The following ATP13A4 variants were observed in gnomAD, a reference collection of about 807,000 sequenced individuals.
The protein encoded by ATP13A4 is ATPase 13A4, also known as probable cation-transporting ATPase 13A4.
ATP13A4 carries 114 observed loss-of-function variants against 142.5 expected under a neutral mutation model. The ratio of observed to expected loss-of-function variants is 0.80; its 90% CI spans 0.69 to 0.93. ATP13A4 has a LOEUF of 0.93. Among genes scored for constraint, ATP13A4 ranks in the 40% least tolerant of loss-of-function variants. ATP13A4 has a pLI of 0.00. For missense variants in ATP13A4, 1,392 were observed against 1,454.0 expected (o/e 0.96, Z 0.69); for synonymous variants, 488 against 514.8 (o/e 0.95, Z 0.70).
chr3:193,478,430 CA>C (rs1719095377), intron 8 of ATP13A4, among the ~76,000 whole-genome samples: 2 of 151,712 alleles, frequency 1.3e-5, no homozygotes, highest in Admixed American at 6.6e-5. Flanking sequence ...CAATTAGAAA[CA>C]AAATGGGAGA....
chr3:193,570,268 G>A (rs13326186), intron 2 of ATP13A4, among the ~76,000 whole-genome samples: 48,652 of 152,106 alleles, frequency 0.32, 8,073 homozygotes, highest in African/African-American at 0.38. Flanking sequence ...AGCTGTGATT[G>A]TGTAATTGCA....
intron 1 of ATP13A4, among the ~76,000 whole-genome samples, chr3:193,545,904 A>T (rs1723192807): frequency 6.6e-6 from 1 of 152,038 alleles, no homozygotes; most frequent in Admixed American, 6.6e-5. Context: ...ACTTTGAAAA[A>T]AAAATGAGTA....
At chr3:193,523,054 G>A (rs1423053160) in intron 1 of ATP13A4, among the ~76,000 whole-genome samples, 1 of 152,058 alleles carries the variant, frequency 6.6e-6, no homozygotes, top group African/African-American at 2.4e-5. Flanking sequence ...TGTAATCCTA[G>A]CACTTTGGGA....
intron 1 of ATP13A4, among the ~76,000 whole-genome samples, chr3:193,539,940 AT>A (rs199714177): frequency 0.028 from 4,194 of 152,188 alleles, 59 homozygotes; most frequent in East Asian, 0.033. Context: ...CTCAAAATTA[AT>A]TTTTTTCCTG....
intron 25 of ATP13A4, among the ~76,000 whole-genome samples, chr3:193,416,664 T>C (rs1715079499): frequency 6.6e-6 from 1 of 150,746 alleles, no homozygotes; most frequent in Non-Finnish European, 1.5e-5. Flanking sequence ...TAGTTGAAAA[T>C]ATCCAACCTG....
At chr3:193,497,078 A>G (rs1042206438) in intron 3 of ATP13A4, among the ~76,000 whole-genome samples, 2 of 152,178 alleles carry the variant, frequency 1.3e-5, no homozygotes, top group Non-Finnish European at 2.9e-5. Context: ...ATGAAATTAC[A>G]TCAAGCTAAA....
chr3:193,493,541 C>A (rs112780214), intron 3 of ATP13A4, among the ~76,000 whole-genome samples: 1 of 151,542 alleles, frequency 6.6e-6, no homozygotes, highest in Non-Finnish European at 1.5e-5. Context: ...ATGCTGTAGA[C>A]GTAAAGAGAG....
chr3:193,503,198 A>G (rs1375057441), intron 2 of ATP13A4, among the ~76,000 whole-genome samples: 1 of 152,230 alleles, frequency 6.6e-6, no homozygotes, highest in Non-Finnish European at 1.5e-5. Flanking sequence ...AGACCTGCTC[A>G]GTCAGAGTCT....
chr3:193,447,324 C>T (rs1400581250), intron 18 of ATP13A4, among the ~76,000 whole-genome samples: 2 of 152,054 alleles, frequency 1.3e-5, no homozygotes, highest in African/African-American at 4.8e-5. Context: ...GTCCAAGATC[C>T]TCTTGGATTG....
intron 24 of ATP13A4, among the ~76,000 whole-genome samples, chr3:193,434,684 A>G (rs553284451): frequency 6.6e-6 from 1 of 152,216 alleles, no homozygotes; most frequent in Non-Finnish European, 1.5e-5. Flanking sequence ...ATGAATCTGG[A>G]TATCTGCCAC....
chr3:193,548,406 T>A (rs973021115), intron 1 of ATP13A4, among the ~76,000 whole-genome samples: 3 of 152,324 alleles, frequency 2.0e-5, no homozygotes, highest in Non-Finnish European at 1.5e-5. Flanking sequence ...AAGAAGCAAT[T>A]AAATTTCACT....
intron 3 of ATP13A4, 107 bp downstream of exon 3, chr3:193,502,386 A>C: frequency 7.6e-7 from 1 of 1,316,242 alleles, no homozygotes; most frequent in Non-Finnish European, 1.1e-6. Context: ...TTAAATATAC[A>C]CTATCAAATG....
rs187288706 is a variant in ATP13A4 at position 193,478,618 on chromosome 3, G to T, written c.808+5318C>A. ...AATAACAAGCAGCAAGATTAAAATGGTATTTAAAAAGTTACCAAGAAAAAA... is the reference window on the plus strand; with the variant it reads ...AATAACAAGCAGCAAGATTAAAATGTTATTTAAAAAGTTACCAAGAAAAAA... On this transcript the variant is annotated intron_variant, in intron 8 of 29. Transcript: ENST00000342695. 2.8e-3 allele frequency among the ~76,000 whole-genome samples: 428 copies of T among 150,816 alleles called. 9 individuals carry two copies. Among genetic ancestry groups the T allele is most frequent in the East Asian group, 0.021 (111 of 5,172 alleles).
chr3:193,571,211 G>A (rs2108741274), intron 2 of ATP13A4, among the ~76,000 whole-genome samples: 1 of 149,254 alleles, frequency 6.7e-6, no homozygotes, highest in South Asian at 2.1e-4. Flanking sequence ...CTGGGAGGTG[G>A]AGGTTGCCAG....
At chr3:193,515,629 A>G (rs1389221347) in intron 1 of ATP13A4, among the ~76,000 whole-genome samples, 1 of 152,176 alleles carries the variant, frequency 6.6e-6, no homozygotes, top group Admixed American at 6.5e-5. Context: ...AGAGGATATT[A>G]TTAGACCCCA....
chr3:193,542,962 G>A (rs1009488936), intron 1 of ATP13A4, among the ~76,000 whole-genome samples: 6 of 152,112 alleles, frequency 3.9e-5, no homozygotes, highest in African/African-American at 1.2e-4. Context: ...TCAGGAGATC[G>A]AGACCATCCT....
intron 2 of ATP13A4, among the ~76,000 whole-genome samples, chr3:193,576,221 C>G (rs1724388903): frequency 6.9e-6 from 1 of 144,916 alleles, no homozygotes; most frequent in Non-Finnish European, 1.5e-5. Context: ...AGACTTTCCA[C>G]GATCCATGGA....
Position 193,448,348 on chromosome 3 carries a change from G to A in ATP13A4, c.2028-18C>T, listed in dbSNP as rs1717077634. 1 of 1,612,364 alleles carries A rather than the reference G, an allele frequency of 6.2e-7. No individual in the cohort carries two copies. The highest frequency in any genetic ancestry group is 8.5e-7 in the Non-Finnish European group (1 of 1,179,222). Reference sequence around the variant, plus strand: ...CCGTCTCCCTGAAAATACATATATAGATGTATTGAACAGAAATAACACATA... The same window carrying A: ...CCGTCTCCCTGAAAATACATATATAAATGTATTGAACAGAAATAACACATA... On this transcript the variant is annotated intron_variant, in intron 17 of 29. Coordinates refer to ENST00000342695, the MANE Select transcript of ATP13A4 (RefSeq NM_032279.4).
intron 29 of ATP13A4, among the ~76,000 whole-genome samples, chr3:193,405,064 C>T (rs1714427653): frequency 6.6e-6 from 1 of 152,212 alleles, no homozygotes; most frequent in African/African-American, 2.4e-5. Flanking sequence ...TGTTTGTTTT[C>T]AGGGCTGATC....
Sources: allele counts gnomAD v4.1 joint callset (sites outside exome capture counted in the v4.1 genomes callset), GRCh38; gene constraint gnomAD v4.1.1; transcripts MANE v1.5; gene names NCBI Gene and HGNC (gene_info 2026-07-23, HGNC 2026-07-21).